PRKCZ: variants seen among roughly 807,000 people sequenced by gnomAD.
The protein encoded by PRKCZ is protein kinase C zeta, also known as protein kinase C zeta type.
In PRKCZ, 33 loss-of-function variants were observed where a neutral mutation model predicts 79.5. The ratio of observed to expected loss-of-function variants is 0.41; its 90% CI spans 0.31 to 0.55. The LOEUF is 0.55. Ranked by LOEUF, PRKCZ falls within the 20% of genes least tolerant of loss-of-function variation. PRKCZ has a pLI of 0.19. For synonymous variants in PRKCZ, 342 were observed against 320.9 expected (o/e 1.07, Z -0.70); for missense variants, 578 against 813.5 (o/e 0.71, Z 3.52).
At chr1:2,161,147 G>A (rs1401976868) in intron 10 of PRKCZ, among the ~76,000 whole-genome samples, 1 of 152,234 alleles carries the variant, frequency 6.6e-6, no homozygotes, top group Admixed American at 6.5e-5. Context: ...CACCCGTAGG[G>A]CCCAGCGTGG....
At chr1:2,146,701 C>T (rs761552695) in intron 7 of PRKCZ, among the ~76,000 whole-genome samples, 1 of 152,212 alleles carries the variant, frequency 6.6e-6, no homozygotes, top group Non-Finnish European at 1.5e-5. Context: ...GCCTCACTTT[C>T]ACTTGATGCA....
intron 4 of PRKCZ, among the ~76,000 whole-genome samples, chr1:2,083,691 G>C (rs1663993461): frequency 6.6e-6 from 1 of 152,026 alleles, no homozygotes. Flanking sequence ...GAATTCCAGT[G>C]TGTCAGGAGG....
At chr1:2,181,842 C>G (rs781628545) in intron 16 of PRKCZ, 2 of 456,320 alleles carry the variant, frequency 4.4e-6, no homozygotes, top group South Asian at 3.1e-5. Flanking sequence ...GTGTTTCATA[C>G]AAAGAATACA....
rs1043453051 is a variant in PRKCZ at position 2,066,023 on chromosome 1, A to G, written c.334+6432A>G. Among the ~76,000 whole-genome samples the G allele has an allele frequency of 2.6e-5, 4 of 151,720 alleles. No homozygotes were observed. The South Asian group carries it at 8.3e-4, about 32-fold the overall frequency. On this transcript the variant is annotated intron_variant, in intron 4 of 17. Coordinates refer to ENST00000378567, the MANE Select transcript of PRKCZ (RefSeq NM_002744.6). ...AAATCCTTCTTGCTCTTGGTGTGTAATTTTCTTGATATGCTGCCGAATTCA... is the reference window on the plus strand; with the variant it reads ...AAATCCTTCTTGCTCTTGGTGTGTAGTTTTCTTGATATGCTGCCGAATTCA...
intron 10 of PRKCZ, among the ~76,000 whole-genome samples, chr1:2,160,898 G>C (rs1016052845): frequency 1.3e-5 from 2 of 152,122 alleles, no homozygotes; most frequent in African/African-American, 2.4e-5. Context: ...AAGAGGTGAG[G>C]GTGTGACGGG....
intron 10 of PRKCZ, among the ~76,000 whole-genome samples, chr1:2,158,773 T>C (rs1033750214): frequency 5.3e-5 from 8 of 152,350 alleles, no homozygotes; most frequent in African/African-American, 7.2e-5. Flanking sequence ...TGGACTCTTC[T>C]GTCAAGTCAC....
rs1665988722 is a variant in PRKCZ at position 2,094,071 on chromosome 1, C to T, written c.334+34480C>T. Among the ~76,000 whole-genome samples, 1 of 152,180 alleles carries T rather than the reference C, an allele frequency of 6.6e-6. No homozygotes were observed. The highest frequency in any genetic ancestry group is 2.4e-5 in the African/African-American group (1 of 41,424). ...ACTTTGGGTGACCCTCCTGTTTGTC[C>T]TGTCCTAGCGCAGCCACATCCCTTG... is the stretch of plus-strand genomic sequence containing the variant. On this transcript the variant is annotated intron_variant, in intron 4 of 17. Transcript: ENST00000378567. The surrounding 1 kb of genome is among the most constrained non-coding windows in gnomAD (Gnocchi z 7.3).
intron 4 of PRKCZ, among the ~76,000 whole-genome samples, chr1:2,101,968 C>T (rs1198101095): frequency 6.6e-6 from 1 of 152,214 alleles, no homozygotes; most frequent in Non-Finnish European, 1.5e-5. Context: ...AGGAATGTCA[C>T]AGAGGACTGT....
At chr1:2,070,556 C>G (rs1661482051) in intron 4 of PRKCZ, among the ~76,000 whole-genome samples, 3 of 152,310 alleles carry the variant, frequency 2.0e-5, no homozygotes, top group Admixed American at 2.0e-4. Context: ...ATGTTAATAG[C>G]AGGTCTCTGG....
intron 5 of PRKCZ, among the ~76,000 whole-genome samples, chr1:2,140,662 AAAAG>A (rs1020637925): frequency 2.0e-4 from 30 of 151,398 alleles, no homozygotes; most frequent in African/African-American, 1.5e-4. Context: ...GTCTCAAAAA[AAAAG>A]AAAGAAAATG....
intron 9 of PRKCZ, among the ~76,000 whole-genome samples, chr1:2,152,693 A>G (rs186411815): frequency 4.0e-4 from 61 of 152,298 alleles, no homozygotes; most frequent in Middle Eastern, 3.4e-3. Context: ...CGTCAGCCCC[A>G]TGGCCTCCAA....
At chr1:2,059,844 C>T (rs558828852) in intron 4 of PRKCZ, among the ~76,000 whole-genome samples, 2 of 152,244 alleles carry the variant, frequency 1.3e-5, no homozygotes, top group African/African-American at 4.8e-5. Context: ...GGGTGCCCTG[C>T]CGTCTCCCTA....
intron 10 of PRKCZ, among the ~76,000 whole-genome samples, chr1:2,166,512 G>A (rs775344566): frequency 6.6e-5 from 10 of 152,180 alleles, no homozygotes; most frequent in Non-Finnish European, 1.0e-4. Context: ...AAACATGAGA[G>A]GAGCGTTAAT....
intron 10 of PRKCZ, chr1:2,156,757 C>G (rs890009143): frequency 6.6e-5 from 10 of 152,374 alleles, no homozygotes; most frequent in African/African-American, 2.4e-4. Flanking sequence ...CCCAAGAGCC[C>G]TCTCCCAGTT....
chr1:2,058,654 G>T (rs1445772781), intron 3 of PRKCZ, among the ~76,000 whole-genome samples: 1 of 152,082 alleles, frequency 6.6e-6, no homozygotes, highest in Admixed American at 6.5e-5. Flanking sequence ...CCAGCACTTT[G>T]GGAGGCCGAG....
chr1:2,169,465 G>T lies in PRKCZ; in HGVS notation c.975-53G>T, dbSNP rs72925872. ...CGCTTCTGTGGGGCTTCTGTCTAAG[G>T]AGGCCGCCGTCTGCCGAGGTGACTG... is the stretch of plus-strand genomic sequence containing the variant. On this transcript the variant is annotated intron_variant, in intron 10 of 17. Coordinates refer to ENST00000378567, the MANE Select transcript of PRKCZ (RefSeq NM_002744.6). The T allele has an allele frequency of 1.2e-3, 1,853 of 1,491,948 alleles. 23 individuals carry two copies. In the African/African-American group the frequency reaches 0.021, roughly 17 times the overall value. The allele number at this position is 1,491,948 out of a possible 1,614,324, so 92.4% of individuals were successfully genotyped here. A position where few individuals can be genotyped will look rare whatever the true frequency, so the allele number is the denominator to read the frequency against.
chr1:2,111,118 A>T (rs1669663595), intron 4 of PRKCZ, among the ~76,000 whole-genome samples: 1 of 152,126 alleles, frequency 6.6e-6, no homozygotes, highest in East Asian at 1.9e-4. Flanking sequence ...GTATTGCGGC[A>T]GGGAAGGCGA....
chr1:2,121,274 C>T (rs1410156933), intron 4 of PRKCZ, among the ~76,000 whole-genome samples: 1 of 152,226 alleles, frequency 6.6e-6, no homozygotes, highest in Non-Finnish European at 1.5e-5. Flanking sequence ...AGGCCCATTC[C>T]TCCTGAGGCC....
intron 10 of PRKCZ, among the ~76,000 whole-genome samples, chr1:2,162,749 C>G (rs1277134760): frequency 6.6e-6 from 1 of 152,166 alleles, no homozygotes; most frequent in African/African-American, 2.4e-5. Flanking sequence ...TGCCTGGCCA[C>G]TTCCTTGTTT....
Sources: allele counts gnomAD v4.1 joint callset (sites outside exome capture counted in the v4.1 genomes callset), GRCh38; gene constraint gnomAD v4.1.1; non-coding constraint Gnocchi (gnomAD v3.1); transcripts MANE v1.5; gene names NCBI Gene and HGNC (gene_info 2026-07-23, HGNC 2026-07-21).